Variants in SEMA5A observed in about 807,000 individuals in gnomAD.
SEMA5A encodes semaphorin-5A.
In SEMA5A, 55 loss-of-function variants were observed where a neutral mutation model predicts 135.5. The observed-to-expected ratio is 0.41, with a 90% CI of 0.33 to 0.51. The LOEUF (loss-of-function observed/expected upper bound fraction) is 0.51, where lower values mean the gene tolerates loss of function less well. Ranked by LOEUF, SEMA5A falls within the 20% of genes least tolerant of loss-of-function variation. The pLI is 0.37. For synonymous variants in SEMA5A, 580 were observed against 546.5 expected (o/e 1.06, Z -0.85); for missense variants, 1,290 against 1,419.9 (o/e 0.91, Z 1.47).
chr5:9,092,354 A>G (rs1739083078), intron 16 of SEMA5A, among the ~76,000 whole-genome samples: 1 of 152,236 alleles, frequency 6.6e-6, no homozygotes, highest in South Asian at 2.1e-4. Flanking sequence ...AATTCGCACC[A>G]TTTTAAAGTA....
Position 9,404,070 on chromosome 5 carries a change from G to A in SEMA5A, c.-77-24047C>T, listed in dbSNP as rs561166256. ...CCGCCTCAGTCTCCCCAGTAGCGGG[G>A]ATTACAGATGCATGCCACCATGCCA... On this transcript the variant is annotated intron_variant, in intron 2 of 22. Transcript: ENST00000382496. 2.6e-5 allele frequency among the ~76,000 whole-genome samples: 4 copies of A among 152,258 alleles called. No homozygotes were observed. The East Asian group carries it at 7.7e-4, about 29-fold the overall frequency.
chr5:9,509,259 AATT>A (rs112585205), intron 1 of SEMA5A, among the ~76,000 whole-genome samples: 12,794 of 149,870 alleles, frequency 0.085, 635 homozygotes, highest in Non-Finnish European at 0.11. Context: ...TCCAACATAA[AATT>A]ATTATTATTA....
At chr5:9,228,203 G>A (rs368026069) in intron 6 of SEMA5A, among the ~76,000 whole-genome samples, 1 of 152,146 alleles carries the variant, frequency 6.6e-6, no homozygotes, top group African/African-American at 2.4e-5. Context: ...AGCATATTAC[G>A]TAGCTCCAAA....
intron 8 of SEMA5A, 137 bp from the exon 9 acceptor site, chr5:9,202,377 CCCGT>C: frequency 3.1e-6 from 2 of 654,784 alleles, no homozygotes; most frequent in East Asian, 3.2e-5. Flanking sequence ...ATTGGGAGGC[CCCGT>C]GAGCAGCTTA....
chr5:9,066,294 T>G (rs1487405004), intron 17 of SEMA5A, 127 bp downstream of exon 17: 2 of 844,048 alleles, frequency 2.4e-6, no homozygotes, highest in Non-Finnish European at 3.9e-6. Context: ...CAGGGATCAT[T>G]GTTTTCAAGG....
intron 1 of SEMA5A, among the ~76,000 whole-genome samples, chr5:9,540,978 A>G (rs1738051437): frequency 6.6e-6 from 1 of 152,224 alleles, no homozygotes; most frequent in Admixed American, 6.5e-5. Context: ...ATGATTTTGC[A>G]GACAGATCAC....
chr5:9,365,238 G>A (rs771557105), intron 3 of SEMA5A, among the ~76,000 whole-genome samples: 2 of 152,142 alleles, frequency 1.3e-5, no homozygotes, highest in Non-Finnish European at 2.9e-5. Context: ...CTGGAGCAAG[G>A]GCAAGGCTAG....
chr5:9,194,631 G>T (rs1259254537), intron 10 of SEMA5A, among the ~76,000 whole-genome samples: 1 of 152,172 alleles, frequency 6.6e-6, no homozygotes, highest in Non-Finnish European at 1.5e-5. Flanking sequence ...GAAAACACTT[G>T]CTGTGTACTT....
At chr5:9,256,848 G>C (rs995766111) in intron 5 of SEMA5A, among the ~76,000 whole-genome samples, 1 of 152,234 alleles carries the variant, frequency 6.6e-6, no homozygotes, top group African/African-American at 2.4e-5. Context: ...TTTGTCATCA[G>C]GTGAACCTGG....
intron 5 of SEMA5A, among the ~76,000 whole-genome samples, chr5:9,257,769 T>C (rs1050053908): frequency 3.3e-5 from 5 of 152,056 alleles, no homozygotes; most frequent in African/African-American, 1.2e-4. Flanking sequence ...GGTCAGGGCT[T>C]GCAGATGTTT....
At chr5:9,356,084 G>A (rs1297011086) in intron 3 of SEMA5A, among the ~76,000 whole-genome samples, 1 of 152,152 alleles carries the variant, frequency 6.6e-6, no homozygotes. Context: ...ATTGGAACCT[G>A]CTCCTTCCCT....
At chr5:9,084,224 C>T (rs1007803592) in intron 16 of SEMA5A, among the ~76,000 whole-genome samples, 1 of 152,110 alleles carries the variant, frequency 6.6e-6, no homozygotes, top group African/African-American at 2.4e-5. Flanking sequence ...CCTCCTGTTC[C>T]AGCAGTCATC....
At chr5:9,355,063 T>G (rs1338705966) in intron 3 of SEMA5A, among the ~76,000 whole-genome samples, 9 of 152,178 alleles carry the variant, frequency 5.9e-5, no homozygotes, top group Admixed American at 5.9e-4. Flanking sequence ...TTGGCAAACT[T>G]GTTGCAAAGG....
At chr5:9,420,247 TA>T (rs1757419072) in intron 2 of SEMA5A, among the ~76,000 whole-genome samples, 1 of 152,148 alleles carries the variant, frequency 6.6e-6, no homozygotes, top group Admixed American at 6.5e-5. Context: ...TAGTGGGCTG[TA>T]TTACATTCCA....
chr5:9,288,919 A>G (rs1044609499), intron 5 of SEMA5A, among the ~76,000 whole-genome samples: 4 of 152,232 alleles, frequency 2.6e-5, no homozygotes, highest in Non-Finnish European at 5.9e-5. Context: ...TTCAAACAAA[A>G]ACAAAAGTAT....
chr5:9,447,338 G>T (rs114044263), intron 1 of SEMA5A, among the ~76,000 whole-genome samples: 41 of 152,242 alleles, frequency 2.7e-4, no homozygotes, highest in African/African-American at 9.4e-4. Flanking sequence ...ATTGCGTTTT[G>T]CCTTGGAAGA....
intron 11 of SEMA5A, among the ~76,000 whole-genome samples, chr5:9,161,880 C>T (rs969248265): frequency 1.3e-5 from 2 of 152,174 alleles, no homozygotes; most frequent in Non-Finnish European, 2.9e-5. Flanking sequence ...GGAGGTTCAC[C>T]AAGGTGAAGT....
Position 9,055,551 on chromosome 5 carries a change from T to C in SEMA5A, c.2519-1294A>G, listed in dbSNP as rs189884710. Among the ~76,000 whole-genome samples the C allele has an allele frequency of 2.6e-5, 4 of 152,322 alleles. No individual in the cohort carries two copies. In the East Asian group the frequency reaches 5.8e-4, roughly 22 times the overall value. On this transcript the variant is annotated intron_variant, in intron 18 of 22. Transcript: ENST00000382496. Reference sequence around the variant, plus strand: ...GTCATGATGTATTACATCATTATGGTGTAATGTTTCTTTTTAGATATTGGC... The same window carrying C: ...GTCATGATGTATTACATCATTATGGCGTAATGTTTCTTTTTAGATATTGGC...
rs1747994615 is a variant in SEMA5A at position 9,237,887 on chromosome 5, C to T, written c.274G>A (p.Val92Met). The change falls in exon 6 of 23, where the codon GTG becomes ATG. Residue 92 changes from valine (V) to methionine (M), a missense_variant. By Grantham distance (21) the Val-to-Met change is conservative (BLOSUM62 1). Coordinates refer to ENST00000382496, the MANE Select transcript of SEMA5A (RefSeq NM_003966.3). ...GTAGCTTCATCACACTCCCATTCCA[C>T]AGCCTGTAGAAAACACCAAAACAAT... is the stretch of plus-strand genomic sequence containing the variant. The part of the protein sequence containing the change: ...QLEDLSLIQA[V>M]EWECDEATKK... 6.2e-7 allele frequency: 1 copy of T among 1,613,482 alleles called. No homozygotes were observed. Among genetic ancestry groups the T allele is most frequent in the East Asian group, 2.2e-5 (1 of 44,848 alleles).
Sources: gnomAD v4.1 joint callset for allele counts (sites outside exome capture counted in the v4.1 genomes callset) on GRCh38, gnomAD v4.1.1 for gene constraint, MANE v1.5 for transcripts, NCBI Gene and HGNC (gene_info 2026-07-23, HGNC 2026-07-21) for gene names.